TANC2: variants seen among roughly 807,000 people sequenced by gnomAD.
TANC2 encodes the protein protein TANC2.
TANC2 carries 26 observed loss-of-function variants against 210.5 expected under a neutral mutation model. The ratio of observed to expected loss-of-function variants is 0.12; its 90% confidence interval spans 0.09 to 0.17. The LOEUF is 0.17. Ranked by LOEUF, TANC2 falls within the 10% of genes least tolerant of loss-of-function variation. The pLI, the probability that TANC2 is intolerant of heterozygous loss-of-function variation, is 1.00. For missense variants in TANC2, 2,129 were observed against 2,608.9 expected, an observed-to-expected ratio of 0.82 and a Z score of 4.01; for synonymous variants, 931 against 967.1, an observed-to-expected ratio of 0.96 and a Z score of 0.69.
chr17:63,250,246 A>G (rs973011393), intron 8 of TANC2, among the ~76,000 whole-genome samples: 1 of 151,852 alleles, frequency 6.6e-6, no homozygotes, highest in African/African-American at 2.4e-5. Flanking sequence ...ATTATGTCTT[A>G]TACTTGTATC....
chr17:63,249,194 C>A (rs1034845567), intron 8 of TANC2, among the ~76,000 whole-genome samples: 1 of 152,192 alleles, frequency 6.6e-6, no homozygotes, highest in East Asian at 1.9e-4. Context: ...TATTAAGGCT[C>A]GGAATTTTCT....
At chr17:63,030,706 A>G (rs1377141296) in intron 2 of TANC2, among the ~76,000 whole-genome samples, 1 of 151,950 alleles carries the variant, frequency 6.6e-6, no homozygotes, top group Non-Finnish European at 1.5e-5. Context: ...TCAAAGTTCA[A>G]CCCCTGAGAA....
intron 4 of TANC2, among the ~76,000 whole-genome samples, chr17:63,118,156 G>A (rs1474912858): frequency 6.6e-6 from 1 of 152,032 alleles, no homozygotes; most frequent in Non-Finnish European, 1.5e-5. Flanking sequence ...ATAACAATAT[G>A]GAAATCTAGA....
chr17:63,009,600 A>G, exon 2 of TANC2: 2 of 1,613,102 alleles, frequency 1.2e-6, no homozygotes, highest in Non-Finnish European at 1.7e-6. Flanking sequence ...ACTGGTGGGA[A>G]ATCAAGTCGT....
At chr17:63,013,633 A>T (rs974286773) in intron 2 of TANC2, among the ~76,000 whole-genome samples, 1 of 152,062 alleles carries the variant, frequency 6.6e-6, no homozygotes, top group Non-Finnish European at 1.5e-5. Context: ...GTGTTGGCAC[A>T]TGCCTGTAAT....
At chr17:62,999,013 A>T (rs1191659780) in intron 1 of TANC2, among the ~76,000 whole-genome samples, 1 of 152,230 alleles carries the variant, frequency 6.6e-6, no homozygotes, top group Non-Finnish European at 1.5e-5. Flanking sequence ...AAGCAGACTG[A>T]TATAGTTTGG....
chr17:63,025,753 A>G (rs1355695644), intron 2 of TANC2, among the ~76,000 whole-genome samples: 3 of 151,796 alleles, frequency 2.0e-5, no homozygotes, highest in African/African-American at 4.8e-5. Context: ...CCGTGATTGC[A>G]CCACTGCACT....
intron 7 of TANC2, among the ~76,000 whole-genome samples, chr17:63,231,509 C>T (rs1485216107): frequency 1.3e-5 from 2 of 152,154 alleles, no homozygotes; most frequent in African/African-American, 4.8e-5. Context: ...ATTTCTCCTT[C>T]GCTTATGAAG....
At position 63,248,304 on chromosome 17, in the gene TANC2, G is replaced by A. The variant is rs187395762; in HGVS notation, c.1033+10227G>A. Among the ~76,000 whole-genome samples the A allele has an allele frequency of 2.9e-3, 442 of 151,856 alleles. 1 individual carries two copies. The highest frequency in any genetic ancestry group is 0.01 in the African/African-American group (424 of 41,306). On this transcript the variant is annotated intron_variant, in intron 8 of 27. Coordinates refer to ENST00000689528, the Ensembl canonical transcript of TANC2. ...TAATTGAGGATTTCAAATATGAAGT[G>A]AGCTTGAAATAGGAAAAAAAAGTAT...
chr17:63,050,982 C>T (rs1460264211), intron 2 of TANC2, among the ~76,000 whole-genome samples: 2 of 152,162 alleles, frequency 1.3e-5, no homozygotes, highest in Non-Finnish European at 2.9e-5. Context: ...GCTTTCCTTT[C>T]CTCTGAGCTT....
chr17:63,213,968 C>T (rs1413207605), intron 7 of TANC2, among the ~76,000 whole-genome samples: 2 of 151,948 alleles, frequency 1.3e-5, no homozygotes, highest in Non-Finnish European at 2.9e-5. Context: ...GCCAGGGAAG[C>T]AAGCGTGAAG....
intron 4 of TANC2, among the ~76,000 whole-genome samples, chr17:63,139,058 G>A (rs1445077572): frequency 6.6e-6 from 1 of 152,218 alleles, no homozygotes; most frequent in East Asian, 1.9e-4. Flanking sequence ...TTTTTAAGAG[G>A]AGACTGCTCT....
At chr17:63,099,318 T>G in exon 4 of TANC2, 2 of 1,555,682 alleles carry the variant, frequency 1.3e-6, no homozygotes, top group Non-Finnish European at 1.7e-6. Flanking sequence ...CACACATCAG[T>G]CTATCAGTGT....
intron 2 of TANC2, among the ~76,000 whole-genome samples, chr17:63,063,863 T>C (rs1229402644): frequency 6.6e-6 from 1 of 152,202 alleles, no homozygotes; most frequent in African/African-American, 2.4e-5. Context: ...ATTTTCTCTA[T>C]AATTTTTTGA....
intron 11 of TANC2, among the ~76,000 whole-genome samples, chr17:63,333,272 A>T (rs1470003567): frequency 6.6e-6 from 1 of 152,214 alleles, no homozygotes; most frequent in African/African-American, 2.4e-5. Context: ...CATTAAGAAC[A>T]TCTATGATTC....
chr17:63,053,813 T>C (rs2035669958), intron 2 of TANC2, among the ~76,000 whole-genome samples: 1 of 152,232 alleles, frequency 6.6e-6, no homozygotes, highest in South Asian at 2.1e-4. Context: ...ATATTAGAAT[T>C]GTCCTCAATT....
chr17:63,367,003 A>G (rs2047129055), intron 14 of TANC2, among the ~76,000 whole-genome samples: 1 of 152,272 alleles, frequency 6.6e-6, no homozygotes, highest in African/African-American at 2.4e-5. Context: ...GGAAAAGATC[A>G]GGATTGTTAA....
chr17:63,178,355 C>T (rs1281511281), intron 5 of TANC2, among the ~76,000 whole-genome samples: 2 of 152,016 alleles, frequency 1.3e-5, no homozygotes, highest in African/African-American at 2.4e-5. Flanking sequence ...AAAAAACTGC[C>T]CTATGGGCGC....
At chr17:63,060,894 T>A (rs1178110745) in intron 2 of TANC2, among the ~76,000 whole-genome samples, 1 of 152,172 alleles carries the variant, frequency 6.6e-6, no homozygotes, top group Non-Finnish European at 1.5e-5. Flanking sequence ...TTCCATTTTA[T>A]TCTGTTTCTT....
Sources: gnomAD v4.1 joint callset for allele counts (sites outside exome capture counted in the v4.1 genomes callset) on GRCh38, gnomAD v4.1.1 for gene constraint, MANE v1.5 for transcripts, NCBI Gene and HGNC (gene_info 2026-07-23, HGNC 2026-07-21) for gene names.